Variants in DRAP1 observed in about 807,000 individuals in gnomAD.
The protein encoded by DRAP1 is dr1-associated corepressor.
DRAP1 carries 10 observed loss-of-function variants against 24.1 expected under a neutral mutation model. The ratio of observed to expected loss-of-function variants is 0.41; its 90% CI spans 0.26 to 0.70. The LOEUF is 0.70. Ranked by LOEUF, DRAP1 falls within the 30% of genes least tolerant of loss-of-function variation. DRAP1 has a pLI of 0.29. For synonymous variants in DRAP1, 122 were observed against 113.8 expected, an observed-to-expected ratio of 1.07 and a Z score of -0.46; for missense variants, 264 against 275.6, an observed-to-expected ratio of 0.96 and a Z score of 0.30.
chr11:65,920,496 C>A, intron 4 of DRAP1, 34 bp downstream of exon 4: 1 of 1,612,964 alleles, frequency 6.2e-7, no homozygotes, highest in African/African-American at 1.3e-5. Context: ...GTGGGGAAGG[C>A]CAAGGCCACA....
At chr11:65,921,096 C>T in intron 6 of DRAP1, 124 bp downstream of exon 6, 1 of 757,446 alleles carries the variant, frequency 1.3e-6, no homozygotes, top group Non-Finnish European at 2.1e-6. Context: ...AGGAGAATAA[C>T]TGAGGAGGGC....
In DRAP1 at chr11:65,921,525, TA is replaced by T. The variant is rs897902815; in HGVS notation, c.*101del. On this transcript the variant is annotated 3_prime_UTR_variant, in exon 7 of 7. Coordinates refer to ENST00000312515, the MANE Select transcript of DRAP1 (RefSeq NM_006442.4). ...AAGGTAGAGCTGTTCTTAAATTTAT[TA>T]AAAAAAAAAATAAAAGGGAATCTCA... The T allele has an allele frequency of 0.01, 5,102 of 487,804 alleles. No homozygotes were observed. The highest frequency in any genetic ancestry group is 0.014 in the South Asian group (427 of 29,848). 30.2% of individuals were successfully genotyped at this position (487,804 alleles called of 1,614,324 possible).
At chr11:65,920,189 A>T in intron 3 of DRAP1, 148 bp downstream of exon 3, 1 of 1,420,330 alleles carries the variant, frequency 7.0e-7, no homozygotes, top group Non-Finnish European at 9.6e-7. Flanking sequence ...CTGGGCTTCC[A>T]GGCAGAGGGA....
In DRAP1 at chr11:65,920,797, G is replaced by A; in HGVS notation, c.424-87G>A. On this transcript the variant is annotated intron_variant, in intron 5 of 6. Transcript: ENST00000312515. Reference sequence around the variant, plus strand: ...CTCACTGGTTTATTTGTAAATTGGGGCTATGAGGGTCTACTGCTGTCCCTG... The same window carrying A: ...CTCACTGGTTTATTTGTAAATTGGGACTATGAGGGTCTACTGCTGTCCCTG... 4.1e-6 allele frequency: 6 copies of A among 1,480,368 alleles called. No individual in the cohort carries two copies. The Admixed American group carries it at 8.4e-5, about 21-fold the overall frequency. The allele number at this position is 1,480,368 out of a possible 1,614,324, so 91.7% of individuals were successfully genotyped here.
In DRAP1 at chr11:65,921,130, C is replaced by A. The variant is rs184250227; in HGVS notation, c.512+158C>A. ...GCTTGAAGGCAGGAGACTGTTCTCC[C>A]GAAAGATCCTGCTCCACCCTGCCAG... On this transcript the variant is annotated intron_variant, in intron 6 of 6. Coordinates refer to ENST00000312515, the MANE Select transcript of DRAP1 (RefSeq NM_006442.4). The A allele has an allele frequency of 7.3e-6, 5 of 686,730 alleles. No homozygotes were observed. In the African/African-American group the frequency reaches 9.1e-5, roughly 12 times the overall value. The allele number at this position is 686,730 out of a possible 1,614,324, so 42.5% of individuals were successfully genotyped here. A position where few individuals can be genotyped will look rare whatever the true frequency, so the allele number is the denominator to read the frequency against.
chr11:65,919,625 GCCGCGGTGTTCGGGGGCCTGGACGCC>G (rs1163475253), intron 1 of DRAP1, 82 bp downstream of exon 1: 3 of 1,538,884 alleles, frequency 1.9e-6, no homozygotes, highest in East Asian at 2.5e-5. Flanking sequence ...AGGCGGGCGC[GCCGCGGTGTTCGGGGGCCTGGACGCC>G]CCGCCCCCTC....
At chr11:65,919,597 G>A (rs1854521369) in intron 1 of DRAP1, 54 bp downstream of exon 1, 2 of 1,546,884 alleles carry the variant, frequency 1.3e-6, no homozygotes, top group Admixed American at 3.9e-5. Flanking sequence ...GGTGGCTTGG[G>A]CCCAGTTCCC....
chr11:65,921,189 G>A (rs1476974514), intron 6 of DRAP1, 141 bp from the exon 7 acceptor site: 49 of 696,028 alleles, frequency 7.0e-5, no homozygotes, highest in Non-Finnish European at 1.0e-4. Flanking sequence ...TGCCCTGCGT[G>A]AGCTGCCCTG....
intron 1 of DRAP1, 45 bp from the exon 2 acceptor site, chr11:65,919,734 AG>A (rs1418390356): frequency 6.2e-7 from 1 of 1,610,364 alleles, no homozygotes; most frequent in African/African-American, 1.3e-5. Flanking sequence ...GCACCCCCTT[AG>A]GGGACGGTGG....
intron 5 of DRAP1, 64 bp from the exon 6 acceptor site, chr11:65,920,820 C>A: frequency 6.5e-7 from 1 of 1,533,062 alleles, no homozygotes; most frequent in South Asian, 1.2e-5. Context: ...ACTGCTGTCC[C>A]TGCCACTCCC....
At chr11:65,921,228 G>A in intron 6 of DRAP1, 102 bp from the exon 7 acceptor site, 1 of 796,002 alleles carries the variant, frequency 1.3e-6, no homozygotes, top group South Asian at 1.7e-5. Flanking sequence ...CTGGAGGGTG[G>A]TGGTGGGAGG....
Position 65,921,451 on chromosome 11 carries a change from A to C in DRAP1, c.*16A>C. The C allele has an allele frequency of 1.4e-6, 2 of 1,395,268 alleles. No individual in the cohort carries two copies. The highest frequency in any genetic ancestry group is 2.0e-6 in the Non-Finnish European group (2 of 982,488). The allele number at this position is 1,395,268 out of a possible 1,614,324, so 86.4% of individuals were successfully genotyped here. ...CGACTCCTAGCGCCTTCTGCCCCCC[A>C]GACCATAGCCCCTTTTAGTTGGTTT... On this transcript the variant is annotated 3_prime_UTR_variant, in exon 7 of 7. Transcript: ENST00000312515.
intron 1 of DRAP1, 88 bp downstream of exon 1, chr11:65,919,631 G>A: frequency 6.5e-7 from 1 of 1,536,592 alleles, no homozygotes; most frequent in Non-Finnish European, 8.8e-7. Flanking sequence ...GCGCGCCGCG[G>A]TGTTCGGGGG....
chr11:65,919,881 G>T, intron 2 of DRAP1, 29 bp downstream of exon 2: 1 of 1,613,346 alleles, frequency 6.2e-7, no homozygotes, highest in South Asian at 1.1e-5. Flanking sequence ...ACCGGGTCGA[G>T]GGGCGTGGGG....
chr11:65,919,495 C>T lies in DRAP1; in HGVS notation c.-7C>T. The T allele has an allele frequency of 6.5e-7, 1 of 1,541,828 alleles. No individual in the cohort carries two copies. Among genetic ancestry groups the T allele is most frequent in the Non-Finnish European group, 8.7e-7 (1 of 1,143,660 alleles). The stretch of plus-strand genomic sequence containing the variant: ...GCTGGACCCGACGCGGCGAGAGAGG[C>T]CCCGAGATGCCGAGCAAGAAGAAGA... On this transcript the variant is annotated 5_prime_UTR_variant, in exon 1 of 7. Coordinates refer to ENST00000312515, the MANE Select transcript of DRAP1 (RefSeq NM_006442.4).
intron 3 of DRAP1, 117 bp from the exon 4 acceptor site, chr11:65,920,226 C>G: frequency 6.5e-7 from 1 of 1,526,720 alleles, no homozygotes; most frequent in East Asian, 2.3e-5. Flanking sequence ...AGGGCAGGCC[C>G]GGGAGCGGAG....
In DRAP1 at chr11:65,919,788, C is replaced by G; in HGVS notation, c.51C>G (p.Ile17Met). The change falls in exon 2 of 7, where the codon ATC becomes ATG. Residue 17 changes from isoleucine (I) to methionine (M), a missense_variant. Around this residue, in one of 2 missense-constraint regions of DRAP1, gnomAD observed 21 missense variants for 42.0 expected, o/e 0.50. Coordinates refer to ENST00000312515, the MANE Select transcript of DRAP1 (RefSeq NM_006442.4). ...KYNARFPPAR[I>M]KKIMQTDEEI... is the part of the protein sequence containing the mutation. ...TGCTCCCCCACCCGCAGGCGCGGATCAAGAAGATCATGCAGACGGACGAAG... is the reference window on the plus strand; with the variant it reads ...TGCTCCCCCACCCGCAGGCGCGGATGAAGAAGATCATGCAGACGGACGAAG... 1 of 1,613,050 alleles carries G rather than the reference C, an allele frequency of 6.2e-7. No individual in the cohort carries two copies. Among genetic ancestry groups the G allele is most frequent in the Admixed American group, 1.7e-5 (1 of 60,030 alleles).
intron 5 of DRAP1, 65 bp from the exon 6 acceptor site, chr11:65,920,819 C>T (rs1169289695): frequency 2.1e-5 from 32 of 1,527,124 alleles, no homozygotes; most frequent in South Asian, 3.7e-5. Context: ...TACTGCTGTC[C>T]CTGCCACTCC....
At chr11:65,920,080 C>A in intron 3 of DRAP1, 39 bp downstream of exon 3, 1 of 1,599,484 alleles carries the variant, frequency 6.3e-7, no homozygotes, top group East Asian at 2.3e-5. Context: ...GCGGGTTTGG[C>A]GCGGGGAGTT....
Sources: allele counts gnomAD v4.1 joint callset, GRCh38; gene constraint gnomAD v4.1.1; regional missense constraint gnomAD v4.1.1; transcripts MANE v1.5; gene names NCBI Gene and HGNC (gene_info 2026-07-23, HGNC 2026-07-21).